Variants in LANCL1 observed in about 807,000 individuals in gnomAD.
LANCL1 encodes the protein glutathione S-transferase LANCL1.
A neutral mutation model predicts 50.6 loss-of-function variants in LANCL1; 50 were observed. The ratio of observed to expected loss-of-function variants is 0.99; its 90% CI spans 0.79 to 1.25. The LOEUF (loss-of-function observed/expected upper bound fraction) is 1.25, where lower values mean the gene tolerates loss of function less well. LANCL1 is among the 50% of genes most tolerant of loss of function. The probability of loss-of-function intolerance (pLI) is 0.00; values close to 1 mark genes in which losing one functional copy is unlikely to be tolerated. For missense variants in LANCL1, 532 were observed against 480.7 expected, an observed-to-expected ratio of 1.11 and a Z score of -1.00; for synonymous variants, 188 against 178.6, an observed-to-expected ratio of 1.05 and a Z score of -0.42.
chr2:210,459,117 A>G (rs1693759279), intron 3 of LANCL1, among the ~76,000 whole-genome samples: 1 of 152,082 alleles, frequency 6.6e-6, no homozygotes, highest in Non-Finnish European at 1.5e-5. Context: ...TGAGATTTAA[A>G]TTTTGATTGA....
chr2:210,464,883 G>A (rs556636855), intron 3 of LANCL1, among the ~76,000 whole-genome samples: 25 of 147,674 alleles, frequency 1.7e-4, no homozygotes, highest in Non-Finnish European at 2.7e-4. Flanking sequence ...GGAGAATGGC[G>A]TGAACCCGGG....
intron 4 of LANCL1, among the ~76,000 whole-genome samples, chr2:210,444,179 C>CAACATATTTA (rs1693237349): frequency 2.6e-5 from 4 of 152,120 alleles, no homozygotes; most frequent in Non-Finnish European, 5.9e-5. Context: ...TCTCTGGAGA[C>CAACATATTTA]CACCAATATG....
rs763376677 is a variant in LANCL1, at chr2:210,437,843, T to G, written c.720A>C (p.Leu240Phe). The G allele has an allele frequency of 4.4e-6, 7 of 1,604,496 alleles. No individual in the cohort carries two copies. The highest frequency in any genetic ancestry group is 5.9e-6 in the Non-Finnish European group (7 of 1,176,720). The change falls in exon 7 of 10, where the codon TTA becomes TTC. Residue 240 changes from leucine to phenylalanine, a missense_variant. Transcript: ENST00000450366. Reference protein sequence around the residue: ...QPSLQVSQGKLHSLVKPSVDY... With the variant: ...QPSLQVSQGKFHSLVKPSVDY... ...CTACACTGGGCTTGACCAAACTATG[T>G]AACTTCCCTTGGCTCACTTGAAGGC...
At chr2:210,442,233 G>A (rs1249458522) in intron 4 of LANCL1, among the ~76,000 whole-genome samples, 1 of 152,082 alleles carries the variant, frequency 6.6e-6, no homozygotes, top group Non-Finnish European at 1.5e-5. Flanking sequence ...AGTACAAGAG[G>A]TGTCAGTCAG....
intron 1 of LANCL1, 26 bp downstream of exon 1, chr2:210,476,594 A>G (rs1216711824): frequency 1.5e-6 from 2 of 1,363,478 alleles, no homozygotes; most frequent in Non-Finnish European, 1.9e-6. Flanking sequence ...GCCTTCGCGA[A>G]AAAGCTGCCA....
At chr2:210,474,929 T>G (rs2105931581) in intron 2 of LANCL1, among the ~76,000 whole-genome samples, 1 of 152,260 alleles carries the variant, frequency 6.6e-6, no homozygotes, top group East Asian at 1.9e-4. Context: ...CTTGAGAATC[T>G]GCACAGCTAA....
At position 210,435,424 on chromosome 2, in the gene LANCL1, T is replaced by C. The variant is rs1259805759; in HGVS notation, c.1086A>G (p.Gly362=). 1.2e-6 allele frequency: 2 copies of C among 1,613,672 alleles called. No individual in the cohort carries two copies. The highest frequency in any genetic ancestry group is 8.5e-7 in the Non-Finnish European group (1 of 1,179,678). ...AGAAAGGGGTGTCTGGTGTTCTGCA[T>C]CCATGTTCTCCATACTCTAAGCACC... ...AEWCLEYGEH[G]CRTPDTPFSL... is the part of the protein sequence containing the mutation. Residue 362 remains glycine (G), a synonymous_variant, in exon 9 of 10, where the codon GGA becomes GGG. Transcript: ENST00000450366.
At chr2:210,476,138 CATT>C (rs1198561698) in intron 2 of LANCL1, among the ~76,000 whole-genome samples, 175 bp downstream of exon 2, 2 of 152,136 alleles carry the variant, frequency 1.3e-5, no homozygotes, top group African/African-American at 4.8e-5. Flanking sequence ...ACACATTTAA[CATT>C]ATGTTAGAGC....
chr2:210,456,665 A>C (rs1693683037), intron 3 of LANCL1, among the ~76,000 whole-genome samples: 1 of 152,048 alleles, frequency 6.6e-6, no homozygotes, highest in African/African-American at 2.4e-5. Flanking sequence ...ATCTCCATCC[A>C]TATCACGCAT....
intron 2 of LANCL1, among the ~76,000 whole-genome samples, chr2:210,473,938 T>C (rs529331984): frequency 1.5e-4 from 23 of 152,276 alleles, no homozygotes; most frequent in African/African-American, 5.1e-4. Context: ...GATAGAAGAG[T>C]GCATCTATAT....
chr2:210,454,283 A>G (rs1488758728), intron 4 of LANCL1, among the ~76,000 whole-genome samples: 1 of 151,788 alleles, frequency 6.6e-6, no homozygotes, highest in East Asian at 1.9e-4. Context: ...AGGGGTATAA[A>G]TCATTCCTTT....
At chr2:210,477,328 A>T (rs1239499248), upstream of LANCL1, 1 of 187,634 alleles carries the variant, frequency 5.3e-6, no homozygotes, top group Non-Finnish European at 1.0e-5. Flanking sequence ...ATAATACTGG[A>T]TAACAAAGCT....
At chr2:210,454,812 G>A (rs1693615029) in intron 4 of LANCL1, among the ~76,000 whole-genome samples, 1 of 152,174 alleles carries the variant, frequency 6.6e-6, no homozygotes, top group South Asian at 2.1e-4. Flanking sequence ...TTGAATTACA[G>A]ATCTTGGATA....
intron 4 of LANCL1, among the ~76,000 whole-genome samples, chr2:210,446,299 C>T (rs2105898084): frequency 6.6e-6 from 1 of 152,014 alleles, no homozygotes; most frequent in South Asian, 2.1e-4. Context: ...GGAGGCGCCA[C>T]TGGTGATCAA....
chr2:210,437,213 T>G (rs1692963431), intron 7 of LANCL1, among the ~76,000 whole-genome samples: 1 of 152,246 alleles, frequency 6.6e-6, no homozygotes, highest in Non-Finnish European at 1.5e-5. Flanking sequence ...TTTATTTCAC[T>G]TAGCATGTTT....
At chr2:210,456,272 T>G (rs1267459945) in intron 3 of LANCL1, among the ~76,000 whole-genome samples, 1 of 152,176 alleles carries the variant, frequency 6.6e-6, no homozygotes, top group African/African-American at 2.4e-5. Context: ...AAATTTAAAT[T>G]AATAGAGCCA....
At chr2:210,474,082 T>C (rs1694292416) in intron 2 of LANCL1, among the ~76,000 whole-genome samples, 1 of 152,254 alleles carries the variant, frequency 6.6e-6, no homozygotes, top group South Asian at 2.1e-4. Flanking sequence ...ATTCTGCATT[T>C]AATAAAGGTG....
At chr2:210,445,631 T>C (rs975823157) in intron 4 of LANCL1, among the ~76,000 whole-genome samples, 1 of 152,070 alleles carries the variant, frequency 6.6e-6, no homozygotes, top group Non-Finnish European at 1.5e-5. Context: ...AATAAAGAAA[T>C]GATATCACTG....
At chr2:210,472,575 G>A (rs1463956763) in intron 2 of LANCL1, among the ~76,000 whole-genome samples, 3 of 152,126 alleles carry the variant, frequency 2.0e-5, no homozygotes, top group African/African-American at 7.2e-5. Flanking sequence ...TATATCAAGA[G>A]CCTTAAGCAG....
Sources: gnomAD v4.1 joint callset for allele counts (sites outside exome capture counted in the v4.1 genomes callset) on GRCh38, gnomAD v4.1.1 for gene constraint, MANE v1.5 for transcripts, NCBI Gene and HGNC (gene_info 2026-07-23, HGNC 2026-07-21) for gene names.